XKR6: variants seen among roughly 807,000 people sequenced by gnomAD.
The protein encoded by XKR6 is XK related 6.
XKR6 carries 22 observed loss-of-function variants against 56.7 expected under a neutral mutation model. The observed-to-expected ratio is 0.39, with a 90% CI of 0.28 to 0.55. The LOEUF is 0.55. Ranked by LOEUF, XKR6 falls within the 20% of genes least tolerant of loss-of-function variation. The pLI is 0.66. For synonymous variants in XKR6, 524 were observed against 387.8 expected (o/e 1.35, Z -4.13); for missense variants, 852 against 889.0 (o/e 0.96, Z 0.53).
intron 1 of XKR6, among the ~76,000 whole-genome samples, chr8:11,038,877 T>C (rs1799214545): frequency 6.6e-6 from 1 of 152,110 alleles, no homozygotes; most frequent in Admixed American, 6.5e-5. Flanking sequence ...TGATTTAGAT[T>C]GGCTTAGTTT....
At chr8:10,986,042 G>C (rs963485619) in intron 1 of XKR6, among the ~76,000 whole-genome samples, 5 of 152,294 alleles carry the variant, frequency 3.3e-5, no homozygotes, top group Non-Finnish European at 7.4e-5. Flanking sequence ...ATATTACAAA[G>C]ATACAGAATA....
chr8:11,199,974 A>G (rs2117170152), intron 1 of XKR6, among the ~76,000 whole-genome samples: 1 of 144,310 alleles, frequency 6.9e-6, no homozygotes, highest in Non-Finnish European at 1.5e-5. Flanking sequence ...CAGCAAACCA[A>G]AAAAAAAAAA....
chr8:11,159,497 G>C (rs1456094342), intron 1 of XKR6, among the ~76,000 whole-genome samples: 1 of 152,188 alleles, frequency 6.6e-6, no homozygotes, highest in African/African-American at 2.4e-5. Context: ...CTTCTGTATG[G>C]CCATCAGCTT....
chr8:11,018,355 T>A (rs2129147912), intron 1 of XKR6, among the ~76,000 whole-genome samples: 1 of 152,362 alleles, frequency 6.6e-6, no homozygotes, highest in Non-Finnish European at 1.5e-5. Context: ...GCTCCTCACC[T>A]GCAGAGATAT....
chr8:10,939,023 C>T (rs953621092), intron 1 of XKR6, among the ~76,000 whole-genome samples: 8 of 152,180 alleles, frequency 5.3e-5, no homozygotes, highest in African/African-American at 1.2e-4. Flanking sequence ...CATCTGTCCC[C>T]GAACACTATC....
At chr8:10,963,055 TCAGCAGACTGAA>T (rs1212957823) in intron 1 of XKR6, among the ~76,000 whole-genome samples, 3 of 152,168 alleles carry the variant, frequency 2.0e-5, no homozygotes, top group Non-Finnish European at 4.4e-5. Flanking sequence ...ACCCCTGCAG[TCAGCAGACTGAA>T]CGCCCAACAG....
intron 2 of XKR6, among the ~76,000 whole-genome samples, chr8:10,916,659 A>T (rs1034407316): frequency 1.9e-4 from 29 of 152,334 alleles, no homozygotes; most frequent in African/African-American, 7.0e-4. Flanking sequence ...TTGGCCAGGG[A>T]GACAGAGCAG....
At chr8:10,912,104 G>A (rs1435132484) in intron 2 of XKR6, among the ~76,000 whole-genome samples, 1 of 149,898 alleles carries the variant, frequency 6.7e-6, no homozygotes, top group Non-Finnish European at 1.5e-5. Flanking sequence ...ATCTGTGTGT[G>A]TGTATATATA....
chr8:11,145,423 T>C (rs76005941), intron 1 of XKR6, among the ~76,000 whole-genome samples: 1 of 152,100 alleles, frequency 6.6e-6, no homozygotes, highest in Non-Finnish European at 1.5e-5. Flanking sequence ...CACATCAAAG[T>C]ACATTGTTAT....
chr8:11,004,619 G>C (rs909071948), intron 1 of XKR6, among the ~76,000 whole-genome samples: 2 of 152,158 alleles, frequency 1.3e-5, no homozygotes, highest in African/African-American at 4.8e-5. Context: ...AAAACTTGTT[G>C]CTCATCCACA....
chr8:11,081,463 T>C lies in XKR6; in HGVS notation c.764+119113A>G, dbSNP rs536767974. Among the ~76,000 whole-genome samples the C allele has an allele frequency of 3.9e-5, 6 of 152,356 alleles. No homozygotes were observed. In the South Asian group the frequency reaches 1.2e-3, roughly 32 times the overall value. ...TCACAAATATATTTGGCCCAGTGTG[T>C]TTCAAATGTGATTTGATCACACATC... On this transcript the variant is annotated intron_variant, in intron 1 of 2. Coordinates refer to ENST00000416569, the MANE Select transcript of XKR6 (RefSeq NM_173683.4).
intron 1 of XKR6, among the ~76,000 whole-genome samples, chr8:11,038,983 G>A (rs1198162095): frequency 6.6e-6 from 1 of 152,110 alleles, no homozygotes. Flanking sequence ...CTCAGTTGTC[G>A]ACGCCACCCC....
At chr8:11,052,093 C>A (rs1049931546) in intron 1 of XKR6, among the ~76,000 whole-genome samples, 1 of 152,176 alleles carries the variant, frequency 6.6e-6, no homozygotes, top group Non-Finnish European at 1.5e-5. Context: ...GTCCCCTTCC[C>A]CAGACCCCTC....
intron 1 of XKR6, among the ~76,000 whole-genome samples, chr8:11,164,544 C>T (rs1043948706): frequency 6.6e-5 from 10 of 152,200 alleles, no homozygotes; most frequent in Admixed American, 3.9e-4. Context: ...TTTTAAGTCC[C>T]TATCTTAAAA....
intron 1 of XKR6, among the ~76,000 whole-genome samples, chr8:10,960,867 T>C (rs1802039589): frequency 6.6e-6 from 1 of 152,076 alleles, no homozygotes; most frequent in African/African-American, 2.4e-5. Flanking sequence ...TGCATTCCAG[T>C]GGGGACTGAG....
At chr8:11,142,080 T>G (rs192074453) in intron 1 of XKR6, among the ~76,000 whole-genome samples, 232 of 151,064 alleles carry the variant, frequency 1.5e-3, no homozygotes, top group African/African-American at 5.5e-3. Flanking sequence ...GAACTTGAAG[T>G]AAAAATATCA....
chr8:10,925,011 A>G (rs546645827), intron 1 of XKR6, among the ~76,000 whole-genome samples, 181 bp from the exon 2 acceptor site: 177 of 152,222 alleles, frequency 1.2e-3, no homozygotes, highest in Non-Finnish European at 9.9e-4. Context: ...ATGCTGAGGC[A>G]TGGGGGAGGG....
rs10106084 is a variant in XKR6 at position 11,192,574 on chromosome 8, C to T, written c.764+8002G>A. 9.4e-3 allele frequency among the ~76,000 whole-genome samples: 1,437 copies of T among 152,086 alleles called. 28 individuals carry two copies. The highest frequency in any genetic ancestry group is 0.033 in the African/African-American group (1,364 of 41,506). The stretch of plus-strand genomic sequence containing the variant: ...AGGCTGCAGGGGGCTATACTCACGC[C>T]ACTGCACTCCAGCCTGGGAAACAGA... On this transcript the variant is annotated intron_variant, in intron 1 of 2. Coordinates refer to ENST00000416569, the MANE Select transcript of XKR6 (RefSeq NM_173683.4).
Position 11,070,847 on chromosome 8 carries a change from A to C in XKR6, c.764+129729T>G, listed in dbSNP as rs74405739. The stretch of plus-strand genomic sequence containing the variant: ...CTGGAAAACCAAGGATCAAGACGGA[A>C]GCCTTCTGCCTTCCTGCCCGCTGCC... On this transcript the variant is annotated intron_variant, in intron 1 of 2. Coordinates refer to ENST00000416569, the MANE Select transcript of XKR6 (RefSeq NM_173683.4). Among the ~76,000 whole-genome samples, 1,210 of 152,336 alleles carry C rather than the reference A, an allele frequency of 7.9e-3. 17 individuals are homozygous for C. Among genetic ancestry groups the C allele is most frequent in the African/African-American group, 0.028 (1,153 of 41,580 alleles).
Sources: allele counts gnomAD v4.1 joint callset (sites outside exome capture counted in the v4.1 genomes callset), GRCh38; gene constraint gnomAD v4.1.1; transcripts MANE v1.5; gene names NCBI Gene and HGNC (gene_info 2026-07-23, HGNC 2026-07-21).